The following COQ10B variants were observed in gnomAD, a reference collection of about 807,000 sequenced individuals.
COQ10B encodes the protein coenzyme Q10B.
COQ10B carries 12 observed loss-of-function variants against 27.6 expected under a neutral mutation model. The observed-to-expected ratio is 0.43, with a 90% CI of 0.28 to 0.70. COQ10B has a LOEUF of 0.70. COQ10B is among the 30% of genes least tolerant of loss of function. The pLI, the probability that COQ10B is intolerant of heterozygous loss-of-function variation, is 0.17. For missense variants in COQ10B, 278 were observed against 288.7 expected, an observed-to-expected ratio of 0.96 and a Z score of 0.27; for synonymous variants, 115 against 103.0, an observed-to-expected ratio of 1.12 and a Z score of -0.71.
chr2:197,465,677 C>T (rs770045587), intron 3 of COQ10B, among the ~76,000 whole-genome samples: 1 of 152,080 alleles, frequency 6.6e-6, no homozygotes, highest in African/African-American at 2.4e-5. Flanking sequence ...GAGGCTGAAG[C>T]GGAAGGATCG....
chr2:197,462,403 A>G, intron 2 of COQ10B, 136 bp from the exon 3 acceptor site: 1 of 529,012 alleles, frequency 1.9e-6, no homozygotes, highest in Non-Finnish European at 3.2e-6. Context: ...CATTGATTCC[A>G]GAATGTGGTT....
rs2085805266 is a variant in COQ10B at position 197,464,662 on chromosome 2, A to AT, written c.447+1933dup. Among the ~76,000 whole-genome samples the AT allele has an allele frequency of 3.3e-5, 5 of 152,208 alleles. No individual in the cohort carries two copies. The South Asian group carries it at 1.0e-3, about 32-fold the overall frequency. ...GAGCCCATTTTACTGCTTTACTTGA[A>AT]TTACTCAAATTTTCACAAAAGCCCT... On this transcript the variant is annotated intron_variant, in intron 3 of 4. Transcript: ENST00000263960.
intron 1 of COQ10B, among the ~76,000 whole-genome samples, chr2:197,459,034 A>G (rs1385986674): frequency 6.6e-6 from 1 of 152,224 alleles, no homozygotes; most frequent in Non-Finnish European, 1.5e-5. Flanking sequence ...GAACAAGCAT[A>G]TAGCAGACAT....
intron 2 of COQ10B, among the ~76,000 whole-genome samples, chr2:197,460,998 A>G (rs1260896407): frequency 1.3e-5 from 2 of 152,242 alleles, no homozygotes; most frequent in East Asian, 3.8e-4. Context: ...GGGAATTTCT[A>G]CAAATGGCTC....
At chr2:197,468,162 C>T (rs1296031813) in intron 3 of COQ10B, among the ~76,000 whole-genome samples, 2 of 151,844 alleles carry the variant, frequency 1.3e-5, no homozygotes, top group Admixed American at 6.6e-5. Context: ...CAGAGGAGGC[C>T]GGGTGTGGTG....
In COQ10B at chr2:197,473,921, A is replaced by G; in HGVS notation, c.714A>G (p.Thr238=). 6.7e-7 allele frequency: 1 copy of G among 1,495,154 alleles called. No homozygotes were observed. The highest frequency in any genetic ancestry group is 9.0e-7 in the Non-Finnish European group (1 of 1,113,758). The allele number at this position is 1,495,154 out of a possible 1,614,324, so 92.6% of individuals were successfully genotyped here. A position where few individuals can be genotyped will look rare whatever the true frequency, so the allele number is the denominator to read the frequency against. Residue 238 remains threonine (T), a synonymous_variant, in exon 5 of 5, where the codon ACA becomes ACG. Transcript: ENST00000263960. Reference sequence around the variant, plus strand: ...TAATGCTTCATGAAGTCCATCACACATAAAGGCAAAAAAGAACTGGTGCCA... The same window carrying G: ...TAATGCTTCATGAAGTCCATCACACGTAAAGGCAAAAAAGAACTGGTGCCA... The part of the protein sequence containing the change: ...RELMLHEVHH[T]
intron 1 of COQ10B, among the ~76,000 whole-genome samples, chr2:197,455,349 G>A (rs1185382565): frequency 3.4e-4 from 51 of 152,116 alleles, no homozygotes; most frequent in Non-Finnish European, 2.9e-5. Flanking sequence ...AATGGTACTG[G>A]GCGCAGTGGC....
Position 197,459,957 on chromosome 2 carries a change from A to G in COQ10B, c.130A>G (p.Met44Val). ...GRYLASCGIL[M>V]SRTLPLHTSI... Reference sequence around the variant, plus strand: ...ATATTTAGCTTCCTGTGGTATACTGATGAGCAGAACTCTTCCACTACATAC... The same window carrying G: ...ATATTTAGCTTCCTGTGGTATACTGGTGAGCAGAACTCTTCCACTACATAC... The change falls in exon 2 of 5, where the codon ATG becomes GTG. Residue 44 changes from methionine (M) to valine (V), a missense_variant. Physicochemically the swap from Met to Val is conservative, Grantham distance 21 (BLOSUM62 1). Transcript: ENST00000263960. 6.2e-7 allele frequency: 1 copy of G among 1,609,978 alleles called. No homozygotes were observed. Among genetic ancestry groups the G allele is most frequent in the Middle Eastern group, 1.7e-4 (1 of 5,834 alleles).
chr2:197,473,544 CAT>C (rs908291284), intron 4 of COQ10B, among the ~76,000 whole-genome samples: 1 of 142,816 alleles, frequency 7.0e-6, no homozygotes, highest in East Asian at 2.0e-4. Flanking sequence ...AAATTAGCCA[CAT>C]GTGGTGGCAT....
intron 1 of COQ10B, 46 bp from the exon 2 acceptor site, chr2:197,459,886 T>C: frequency 6.9e-7 from 1 of 1,456,522 alleles, no homozygotes; most frequent in South Asian, 1.3e-5. Flanking sequence ...GTGCTTCCTT[T>C]TAATTTTTAC....
intron 3 of COQ10B, among the ~76,000 whole-genome samples, chr2:197,463,324 T>C (rs2085781566): frequency 6.6e-6 from 1 of 150,800 alleles, no homozygotes; most frequent in African/African-American, 2.4e-5. Context: ...ATACAAAAAT[T>C]AGCCGGGCGT....
chr2:197,463,534 A>G (rs2085784010), intron 3 of COQ10B, among the ~76,000 whole-genome samples: 1 of 151,918 alleles, frequency 6.6e-6, no homozygotes, highest in Non-Finnish European at 1.5e-5. Flanking sequence ...TGGGAACCCA[A>G]GAAGTTGAGG....
rs1044102025 is a variant in COQ10B, at chr2:197,474,077, A to C, written c.*153A>C. The C allele has an allele frequency of 3.4e-5, 15 of 447,232 alleles. No individual in the cohort carries two copies. The highest frequency in any genetic ancestry group is 2.6e-4 in the African/African-American group (13 of 49,612). The allele number at this position is 447,232 out of a possible 1,614,324, so 27.7% of individuals were successfully genotyped here. A position where few individuals can be genotyped will look rare whatever the true frequency, so the allele number is the denominator to read the frequency against. On this transcript the variant is annotated 3_prime_UTR_variant, in exon 5 of 5. Coordinates refer to ENST00000263960, the MANE Select transcript of COQ10B (RefSeq NM_025147.5). Reference sequence around the variant, plus strand: ...CATTGAAAATTTGCACATAGAATATAGACTCACTTGTACATAGAATTATTT... The same window carrying C: ...CATTGAAAATTTGCACATAGAATATCGACTCACTTGTACATAGAATTATTT...
At chr2:197,470,844 G>A (rs769710070) in intron 4 of COQ10B, among the ~76,000 whole-genome samples, 9 of 152,294 alleles carry the variant, frequency 5.9e-5, no homozygotes, top group Admixed American at 2.0e-4. Context: ...GCAGTGAGCC[G>A]AGATCGTGCC....
At chr2:197,473,415 A>AATATAT (rs1161758409) in intron 4 of COQ10B, among the ~76,000 whole-genome samples, 1,044 of 59,282 alleles carry the variant, frequency 0.018, 26 homozygotes, top group Middle Eastern at 0.083. Context: ...AAAAAAAAAA[A>AATATAT]ATATATATAT....
intron 3 of COQ10B, among the ~76,000 whole-genome samples, chr2:197,465,824 A>G (rs1365938463): frequency 6.6e-6 from 1 of 152,094 alleles, no homozygotes; most frequent in African/African-American, 2.4e-5. Context: ...GGTGGCTAAC[A>G]CCTGTAATCC....
At chr2:197,454,294 C>G (rs1449544780) in intron 1 of COQ10B, 1 of 595,280 alleles carries the variant, frequency 1.7e-6, no homozygotes, top group African/African-American at 1.9e-5. Context: ...GGTCGGGACA[C>G]GGATACCATA....
At chr2:197,454,470 T>C (rs1355105824) in intron 1 of COQ10B, among the ~76,000 whole-genome samples, 1 of 152,088 alleles carries the variant, frequency 6.6e-6, no homozygotes, top group African/African-American at 2.4e-5. Flanking sequence ...CCGACCCTAC[T>C]GGAAACAAGG....
At chr2:197,472,840 C>A (rs1049821082) in intron 4 of COQ10B, among the ~76,000 whole-genome samples, 1 of 149,288 alleles carries the variant, frequency 6.7e-6, no homozygotes, top group Non-Finnish European at 1.5e-5. Context: ...AAACCACTTA[C>A]ACCATCTGCC....
Sources: gnomAD v4.1 joint callset for allele counts (sites outside exome capture counted in the v4.1 genomes callset) on GRCh38, gnomAD v4.1.1 for gene constraint, MANE v1.5 for transcripts, NCBI Gene and HGNC (gene_info 2026-07-23, HGNC 2026-07-21) for gene names.